PARP15: variants seen among roughly 807,000 people sequenced by gnomAD.
PARP15 encodes protein mono-ADP-ribosyltransferase PARP15.
In PARP15, 50 loss-of-function variants were observed where a neutral mutation model predicts 62.1. The ratio of observed to expected loss-of-function variants is 0.81; its 90% CI spans 0.64 to 1.02. The LOEUF is 1.02. Ranked by LOEUF, PARP15 falls within the 50% of genes least tolerant of loss-of-function variation. The pLI is 0.00. For missense variants in PARP15, 820 were observed against 826.5 expected (o/e 0.99, Z 0.10); for synonymous variants, 309 against 293.1 (o/e 1.05, Z -0.55).
At chr3:122,605,350 G>A (rs1213557643) in intron 1 of PARP15, among the ~76,000 whole-genome samples, 3 of 152,102 alleles carry the variant, frequency 2.0e-5, no homozygotes, top group Admixed American at 2.0e-4. Context: ...AGTAGTAAGG[G>A]CTGGGGAATA....
Position 122,613,166 on chromosome 3 carries a change from C to T in PARP15, c.669C>T (p.Ile223=). 1 of 1,551,700 alleles carries T rather than the reference C, an allele frequency of 6.4e-7. No individual in the cohort carries two copies. Among genetic ancestry groups the T allele is most frequent in the Non-Finnish European group, 8.7e-7 (1 of 1,146,914 alleles). Residue 223 remains isoleucine, a synonymous_variant, in exon 4 of 12, where the codon ATC becomes ATT. Transcript: ENST00000464300. Reference sequence around the variant, plus strand: ...CCAAAGCTGTTTTTGCTAAACTAATCCTTTCAGAAGTGTTCGAATACAGTA... The same window carrying T: ...CCAAAGCTGTTTTTGCTAAACTAATTCTTTCAGAAGTGTTCGAATACAGTA... ...QFPKAVFAKL[I]LSEVFEYSSS...
rs551506950 is a variant in PARP15 at position 122,635,906 on chromosome 3, A to G, written c.1843A>G (p.Met615Val). 9.9e-6 allele frequency: 16 copies of G among 1,614,050 alleles called. No homozygotes were observed. Among genetic ancestry groups the G allele is most frequent in the African/African-American group, 1.3e-5 (1 of 74,918 alleles). The change falls in exon 12 of 12, where the codon ATG (methionine) becomes GTG (valine). Residue 615 changes from methionine (M) to valine (V), a missense_variant. Met to Val is a conservative substitution (Grantham distance 21). This residue lies in a region of PARP15 where 84 missense variants were observed against 79.7 expected (regional missense o/e 1.05). Transcript: ENST00000464300. ...SKPDSNGRKH[M>V]YVVRVLTGVF... The stretch of plus-strand genomic sequence containing the variant: ...GCCAGACAGCAATGGGAGAAAGCAC[A>G]TGTACGTTGTGCGAGTACTTACTGG...
intron 5 of PARP15, 118 bp from the exon 6 acceptor site, chr3:122,616,897 G>C (rs1936011251): frequency 8.3e-7 from 1 of 1,199,364 alleles, no homozygotes; most frequent in East Asian, 2.4e-5. Context: ...CAATATTTCG[G>C]TTTATGTTGG....
intron 3 of PARP15, among the ~76,000 whole-genome samples, chr3:122,610,934 A>AG (rs375328126): frequency 3.3e-5 from 5 of 152,144 alleles, no homozygotes; most frequent in African/African-American, 1.2e-4. Flanking sequence ...ACAACAAAGA[A>AG]GTGTCTGCCC....
intron 1 of PARP15, among the ~76,000 whole-genome samples, chr3:122,602,234 T>TTTGGGAG (rs1364283185): frequency 6.6e-6 from 1 of 152,112 alleles, no homozygotes; most frequent in Admixed American, 6.5e-5. Context: ...GGGCACTGCC[T>TTTGGGAG]TTGGGAGACT....
chr3:122,624,437 G>C (rs1936558744), intron 8 of PARP15, among the ~76,000 whole-genome samples: 1 of 152,126 alleles, frequency 6.6e-6, no homozygotes, highest in Admixed American at 6.5e-5. Context: ...CAGCCTCTCT[G>C]CTCTGGGGAA....
At chr3:122,630,853 A>G (rs1218311280) in intron 9 of PARP15, among the ~76,000 whole-genome samples, 1 of 152,192 alleles carries the variant, frequency 6.6e-6, no homozygotes, top group Admixed American at 6.5e-5. Context: ...ATGAGGTGGT[A>G]GATAGAGCTC....
chr3:122,632,247 A>G (rs1937101500), intron 10 of PARP15, 28 bp downstream of exon 10: 5 of 1,600,086 alleles, frequency 3.1e-6, no homozygotes, highest in Middle Eastern at 1.7e-4. Flanking sequence ...TTTACTGTTC[A>G]AAAATGTTGA....
intron 9 of PARP15, among the ~76,000 whole-genome samples, chr3:122,628,870 A>C (rs759649084): frequency 2.4e-4 from 37 of 152,226 alleles, no homozygotes; most frequent in Admixed American, 1.3e-4. Flanking sequence ...ATAAACTGGA[A>C]TTTTAGTAAG....
Position 122,627,046 on chromosome 3 carries a change from C to G in PARP15, c.1438+13C>G, listed in dbSNP as rs1359120995. On this transcript the variant is annotated intron_variant, in intron 9 of 11. Coordinates refer to ENST00000464300, the MANE Select transcript of PARP15 (RefSeq NM_001113523.3). ...TCCATGACTACATGTAAGATGTTCACTTTTTAAAAATCACCCTGCTGGCTC... is the reference window on the plus strand; with the variant it reads ...TCCATGACTACATGTAAGATGTTCAGTTTTTAAAAATCACCCTGCTGGCTC... 6.3e-7 allele frequency: 1 copy of G among 1,588,486 alleles called. No homozygotes were observed. Among genetic ancestry groups the G allele is most frequent in the Non-Finnish European group, 8.6e-7 (1 of 1,163,968 alleles).
chr3:122,595,367 T>C lies in PARP15; in HGVS notation c.187-10569T>C, dbSNP rs137938739. On this transcript the variant is annotated intron_variant, in intron 1 of 11. Coordinates refer to ENST00000464300, the MANE Select transcript of PARP15 (RefSeq NM_001113523.3). ...TACCTCCAGTGTTCCACCAAAGCTG[T>C]TCTTGTCAAAGTCACAAATGATCTC... is the stretch of plus-strand genomic sequence containing the variant. 7.5e-4 allele frequency among the ~76,000 whole-genome samples: 114 copies of C among 151,660 alleles called. No homozygotes were observed. The East Asian group carries it at 1.0e-2, about 13-fold the overall frequency.
In PARP15 at chr3:122,615,854, C is replaced by G; in HGVS notation, c.847C>G (p.Gln283Glu). Residue 283 changes from glutamine to glutamate, a missense_variant, in exon 5 of 12, where the codon CAA becomes GAA. Around this residue, in one of 3 missense-constraint regions of PARP15, gnomAD observed 731 missense variants for 727.7 expected, o/e 1.00. Coordinates refer to ENST00000464300, the MANE Select transcript of PARP15 (RefSeq NM_001113523.3). ...KARIPMAGDT[Q>E]GVVGTVSKPC... The stretch of plus-strand genomic sequence containing the variant: ...CAGGATTCCCATGGCAGGAGATACC[C>G]AAGGTCTGGTAAAGTCGTTCTGCTA... 7 of 1,611,212 alleles carry G rather than the reference C, an allele frequency of 4.3e-6. No individual in the cohort carries two copies. Among genetic ancestry groups the G allele is most frequent in the Non-Finnish European group, 5.9e-6 (7 of 1,177,784 alleles).
chr3:122,626,029 T>C (rs1297800783), intron 8 of PARP15, among the ~76,000 whole-genome samples: 2 of 152,068 alleles, frequency 1.3e-5, no homozygotes, highest in Non-Finnish European at 2.9e-5. Context: ...CTTAATGGAT[T>C]TGGGCTTGTT....
intron 1 of PARP15, among the ~76,000 whole-genome samples, chr3:122,591,764 CAAAAAAAA>C (rs66536667): frequency 9.7e-6 from 1 of 103,416 alleles, no homozygotes; most frequent in South Asian, 3.6e-4. Flanking sequence ...GACTCTGTCT[CAAAAAAAA>C]AAAAAAAAAG....
chr3:122,587,249 T>C (rs1933518853), intron 1 of PARP15, among the ~76,000 whole-genome samples: 1 of 152,284 alleles, frequency 6.6e-6, no homozygotes, highest in Non-Finnish European at 1.5e-5. Context: ...ATAAAGCTGC[T>C]ATAAATATTT....
intron 8 of PARP15, among the ~76,000 whole-genome samples, chr3:122,626,070 T>TG (rs928482858): frequency 1.6e-4 from 25 of 152,218 alleles, no homozygotes; most frequent in Middle Eastern, 3.4e-3. Flanking sequence ...CTCAAGTAAG[T>TG]GGGGCTTTTC....
chr3:122,583,114 C>CTTTTTTTTTTTTTTTTT (rs67942585), intron 1 of PARP15, among the ~76,000 whole-genome samples: 2 of 83,486 alleles, frequency 2.4e-5, no homozygotes, highest in Non-Finnish European at 4.3e-5. Context: ...TCATCTGTAT[C>CTTTTTTTTTTTTTTTTT]TTTTTTTTTT....
At chr3:122,616,524 G>A (rs1935984686) in intron 5 of PARP15, among the ~76,000 whole-genome samples, 1 of 151,850 alleles carries the variant, frequency 6.6e-6, no homozygotes, top group Admixed American at 6.6e-5. Context: ...TAAACACACG[G>A]TTTCACCATG....
chr3:122,601,639 A>G (rs1315303141), intron 1 of PARP15, among the ~76,000 whole-genome samples: 1 of 152,170 alleles, frequency 6.6e-6, no homozygotes, highest in Non-Finnish European at 1.5e-5. Context: ...ATTCTATCGT[A>G]TGGAAGTACC....
Sources: gnomAD v4.1 joint callset for allele counts (sites outside exome capture counted in the v4.1 genomes callset) on GRCh38, gnomAD v4.1.1 for gene constraint, gnomAD v4.1.1 regional missense constraint, MANE v1.5 for transcripts, NCBI Gene and HGNC (gene_info 2026-07-23, HGNC 2026-07-21) for gene names.